The following IL7 variants were observed in gnomAD, a reference collection of about 807,000 sequenced individuals.
The protein encoded by IL7 is interleukin 7.
A neutral mutation model predicts 21.6 loss-of-function variants in IL7; 3 were observed. The observed-to-expected ratio is 0.14, with a 90% CI of 0.06 to 0.36. The LOEUF is 0.36. Ranked by LOEUF, IL7 falls within the 10% of genes least tolerant of loss-of-function variation. The pLI, the probability that IL7 is intolerant of heterozygous loss-of-function variation, is 1.00. For missense variants in IL7, 175 were observed against 200.2 expected (o/e 0.87, Z 0.76); for synonymous variants, 62 against 68.1 (o/e 0.91, Z 0.44).
At chr8:78,691,634 T>A (rs555676222) in intron 3 of IL7, among the ~76,000 whole-genome samples, 10 of 152,286 alleles carry the variant, frequency 6.6e-5, no homozygotes, top group South Asian at 2.1e-4. Flanking sequence ...GTAATTTTTT[T>A]AAAAATTCAC....
chr8:78,678,713 T>A (rs1212182277), intron 4 of IL7: 8 of 1,465,686 alleles, frequency 5.5e-6, no homozygotes, highest in Non-Finnish European at 7.4e-6. Flanking sequence ...GTATGAACTT[T>A]GGTGTTATGT....
At chr8:78,779,564 G>C (rs1019127335) in intron 2 of IL7, among the ~76,000 whole-genome samples, 1 of 152,140 alleles carries the variant, frequency 6.6e-6, no homozygotes, top group Non-Finnish European at 1.5e-5. Flanking sequence ...TGTTGCACCA[G>C]CCTTACATCC....
intron 2 of IL7, among the ~76,000 whole-genome samples, chr8:78,751,820 G>T (rs1341286274): frequency 6.6e-6 from 1 of 152,028 alleles, no homozygotes; most frequent in Non-Finnish European, 1.5e-5. Flanking sequence ...ATAAATTATG[G>T]TAAACTATGT....
At chr8:78,716,105 G>GT (rs1417322399), downstream of IL7, among the ~76,000 whole-genome samples, 32 of 145,646 alleles carry the variant, frequency 2.2e-4, no homozygotes, top group African/African-American at 3.5e-4. Flanking sequence ...CTTTATTACT[G>GT]TTTTTTTTTG....
At chr8:78,675,848 C>T (rs777650840) in exon 5 of IL7, 21 of 1,611,172 alleles carry the variant, frequency 1.3e-5, no homozygotes, top group Non-Finnish European at 1.8e-5. Flanking sequence ...GAAGAACATT[C>T]TTTCCAGTAG....
rs1395190666 is a variant in IL7 at position 78,699,023 on chromosome 8, A to C, written n.215-13076T>G. On this transcript the variant is annotated intron_variant and non_coding_transcript_variant, in intron 3 of 4. Transcript: ENST00000523959. ...CGTTTTTATTATAATGTTAGAAATA[A>C]ATAAAATCACCAAAATGTCTAGCTT... is the stretch of plus-strand genomic sequence containing the variant. Among the ~76,000 whole-genome samples, 22 of 152,280 alleles carry C rather than the reference A, an allele frequency of 1.4e-4. 1 individual carries two copies. Among genetic ancestry groups the C allele is most frequent in the African/African-American group, 5.3e-4 (22 of 41,564 alleles).
At chr8:78,797,488 A>G (rs1813897843) in intron 2 of IL7, among the ~76,000 whole-genome samples, 2 of 152,030 alleles carry the variant, frequency 1.3e-5, no homozygotes, top group African/African-American at 4.8e-5. Context: ...AGAGAGAGAG[A>G]GAGCATATGG....
At chr8:78,711,555 C>T (rs532561256) in intron 3 of IL7, among the ~76,000 whole-genome samples, 2 of 151,696 alleles carry the variant, frequency 1.3e-5, no homozygotes, top group Non-Finnish European at 1.5e-5. Flanking sequence ...TTAGTCAATT[C>T]CTTATTTTTG....
chr8:78,768,178 C>T (rs1370930877), intron 2 of IL7, among the ~76,000 whole-genome samples: 3 of 152,274 alleles, frequency 2.0e-5, no homozygotes, highest in East Asian at 1.9e-4. Flanking sequence ...CATTGACGGA[C>T]ATTTGGGTTG....
rs907667495 is a variant in IL7, at chr8:78,733,137, C to T, written c.*576G>A. The T allele has an allele frequency of 6.6e-6, 1 of 152,112 alleles. No homozygotes were observed. The highest frequency in any genetic ancestry group is 1.5e-5 in the Non-Finnish European group (1 of 67,982). 9.4% of individuals were successfully genotyped at this position (152,112 alleles called of 1,614,324 possible). A position where few individuals can be genotyped will look rare whatever the true frequency, so the allele number is the denominator to read the frequency against. ...GTTACACATTCATGATTAATTAAAT[C>T]TCTTGAAATCTCTTTTAGGTATCTT... On this transcript the variant is annotated 3_prime_UTR_variant, in exon 6 of 6. Coordinates refer to ENST00000263851, the MANE Select transcript of IL7 (RefSeq NM_000880.4).
intron 1 of IL7, among the ~76,000 whole-genome samples, chr8:78,802,841 A>G (rs1039585822): frequency 6.6e-6 from 1 of 152,218 alleles, no homozygotes; most frequent in African/African-American, 2.4e-5. Context: ...TTCCTTAAAA[A>G]ATAACCATAT....
At chr8:78,793,542 A>T (rs1813762374) in intron 2 of IL7, among the ~76,000 whole-genome samples, 1 of 152,184 alleles carries the variant, frequency 6.6e-6, no homozygotes, top group South Asian at 2.1e-4. Flanking sequence ...TTTTTGCTGA[A>T]AAATGCTAAC....
chr8:78,703,349 A>G (rs547082073), intron 3 of IL7, among the ~76,000 whole-genome samples: 1 of 152,262 alleles, frequency 6.6e-6, no homozygotes, highest in Admixed American at 6.5e-5. Context: ...CTGTCTTGAT[A>G]ATCTGTCTAA....
At chr8:78,783,749 G>A (rs1295622696) in intron 2 of IL7, among the ~76,000 whole-genome samples, 1 of 152,178 alleles carries the variant, frequency 6.6e-6, no homozygotes, top group East Asian at 1.9e-4. Context: ...CAATTTGAGA[G>A]ATGAAGTATG....
chr8:78,723,425 C>G (rs1811284126), intron 3 of IL7, among the ~76,000 whole-genome samples: 1 of 151,976 alleles, frequency 6.6e-6, no homozygotes, highest in South Asian at 2.1e-4. Context: ...TGTACTTAAG[C>G]TGAAGCTCAA....
chr8:78,719,922 T>C (rs1811206345), intron 5 of IL7, among the ~76,000 whole-genome samples: 1 of 151,828 alleles, frequency 6.6e-6, no homozygotes, highest in Non-Finnish European at 1.5e-5. Context: ...CTTTTTAAAA[T>C]GTATTACCAT....
chr8:78,685,503 G>C (rs1809940583), intron 4 of IL7, among the ~76,000 whole-genome samples: 1 of 151,936 alleles, frequency 6.6e-6, no homozygotes, highest in Admixed American at 6.6e-5. Flanking sequence ...CCAAAGACAA[G>C]GTCAAAAGAC....
chr8:78,795,684 C>A (rs961911842), intron 2 of IL7, among the ~76,000 whole-genome samples: 1 of 151,934 alleles, frequency 6.6e-6, no homozygotes, highest in Non-Finnish European at 1.5e-5. Context: ...TTGTTCTCTG[C>A]CCAGATAACA....
chr8:78,802,500 G>A (rs532590223), intron 1 of IL7, among the ~76,000 whole-genome samples: 19 of 150,800 alleles, frequency 1.3e-4, no homozygotes, highest in East Asian at 7.8e-4. Flanking sequence ...GTGCGATCAC[G>A]GCTCACTGCA....
Sources: allele counts gnomAD v4.1 joint callset (sites outside exome capture counted in the v4.1 genomes callset), GRCh38; gene constraint gnomAD v4.1.1; transcripts MANE v1.5; gene names NCBI Gene and HGNC (gene_info 2026-07-23, HGNC 2026-07-21).